The following ACCSL variants were observed in gnomAD, a reference collection of about 807,000 sequenced individuals.
ACCSL encodes the protein 1-aminocyclopropane-1-carboxylate synthase homolog (inactive) like.
ACCSL carries 55 observed loss-of-function variants against 61.7 expected under a neutral mutation model. The observed-to-expected ratio is 0.89, with a 90% CI of 0.72 to 1.12. The LOEUF is 1.12. Among genes scored for constraint, ACCSL ranks in the 50% most tolerant of loss-of-function variants. ACCSL has a pLI of 0.00. For synonymous variants in ACCSL, 258 were observed against 264.3 expected, an observed-to-expected ratio of 0.98 and a Z score of 0.23; for missense variants, 632 against 698.0, an observed-to-expected ratio of 0.91 and a Z score of 1.07.
the ACCSL span, among the ~76,000 whole-genome samples, chr11:44,004,551 A>G: frequency 6.6e-6 from 1 of 152,134 alleles, no homozygotes; most frequent in African/African-American, 2.4e-5. Context: ...GCATGTACCT[A>G]GCTGTTTTCT....
At chr11:44,035,005 T>C in the ACCSL span, among the ~76,000 whole-genome samples, 7 of 152,264 alleles carry the variant, frequency 4.6e-5, no homozygotes, top group South Asian at 8.3e-4. Flanking sequence ...CTACAGCAAA[T>C]ACACTCTCTT....
the ACCSL span, among the ~76,000 whole-genome samples, chr11:43,980,740 C>G: frequency 2.6e-5 from 4 of 152,186 alleles, no homozygotes. Flanking sequence ...GGCCATCTAT[C>G]TACTGAAAAG....
At chr11:44,005,275 A>T in the ACCSL span, among the ~76,000 whole-genome samples, 1 of 151,986 alleles carries the variant, frequency 6.6e-6, no homozygotes, top group Non-Finnish European at 1.5e-5. Context: ...GGATTGGCTG[A>T]TGGGCTTTCA....
At chr11:44,056,368 A>G in intron 11 of ACCSL, 42 bp downstream of exon 11, 1 of 1,589,720 alleles carries the variant, frequency 6.3e-7, no homozygotes, top group Non-Finnish European at 8.6e-7. Context: ...GCTGGACCTC[A>G]TGGCCATGGG....
chr11:43,941,041 T>G, the ACCSL span, among the ~76,000 whole-genome samples: 1 of 152,182 alleles, frequency 6.6e-6, no homozygotes, highest in Non-Finnish European at 1.5e-5. Flanking sequence ...TGGTATTTGT[T>G]ACCCAGGGTG....
At chr11:44,022,086 T>TCATA in the ACCSL span, among the ~76,000 whole-genome samples, 1 of 152,090 alleles carries the variant, frequency 6.6e-6, no homozygotes, top group East Asian at 1.9e-4. Flanking sequence ...TTAGTTTTGC[T>TCATA]GTAGCTATGA....
the ACCSL span, among the ~76,000 whole-genome samples, chr11:44,005,473 G>A: frequency 2.6e-5 from 4 of 152,094 alleles, no homozygotes; most frequent in Non-Finnish European, 4.4e-5. Flanking sequence ...TTTGCTCCTC[G>A]ACTCAGGGGC....
chr11:43,943,897 T>A, the ACCSL span: 1 of 1,209,250 alleles, frequency 8.3e-7, no homozygotes, highest in Non-Finnish European at 1.1e-6. The surrounding 1 kb of genome is among the most constrained non-coding windows in gnomAD (Gnocchi z 4.8). Context: ...TTCCAGGCTC[T>A]TGACTTTTTG....
the ACCSL span, among the ~76,000 whole-genome samples, chr11:44,005,065 TC>T: frequency 1.2e-5 from 1 of 85,760 alleles, no homozygotes; most frequent in Non-Finnish European, 2.3e-5. Context: ...CCACCCCTTC[TC>T]CCCCGTGCCA....
chr11:43,970,299 G>A, the ACCSL span, among the ~76,000 whole-genome samples: 1 of 152,046 alleles, frequency 6.6e-6, no homozygotes, highest in Non-Finnish European at 1.5e-5. Flanking sequence ...TCGACCTCCT[G>A]GGCTCACGTG....
the ACCSL span, among the ~76,000 whole-genome samples, chr11:44,016,991 G>T: frequency 1.3e-5 from 2 of 152,264 alleles, no homozygotes; most frequent in Admixed American, 6.5e-5. Flanking sequence ...CTGAAGATCT[G>T]CCAATGAGCA....
At chr11:43,945,120 G>T in the ACCSL span, 1 of 152,290 alleles carries the variant, frequency 6.6e-6, no homozygotes, top group Non-Finnish European at 1.5e-5. Flanking sequence ...CTATGGCCTT[G>T]GTGGCTGTAG....
At chr11:44,022,653 A>G in the ACCSL span, among the ~76,000 whole-genome samples, 1 of 151,900 alleles carries the variant, frequency 6.6e-6, no homozygotes, top group African/African-American at 2.4e-5. Context: ...TGATTTTTGG[A>G]TGTTAACACA....
At chr11:43,977,219 G>T in the ACCSL span, among the ~76,000 whole-genome samples, 3 of 152,184 alleles carry the variant, frequency 2.0e-5, no homozygotes, top group Non-Finnish European at 4.4e-5. Context: ...TCTCCACTAT[G>T]TCCTAATCCC....
chr11:43,986,165 T>C, the ACCSL span, among the ~76,000 whole-genome samples: 7 of 151,816 alleles, frequency 4.6e-5, no homozygotes, highest in African/African-American at 1.7e-4. Context: ...GCCCCATCAT[T>C]TCCACCACCT....
At chr11:43,961,216 T>C in the ACCSL span, among the ~76,000 whole-genome samples, 1 of 152,202 alleles carries the variant, frequency 6.6e-6, no homozygotes, top group Non-Finnish European at 1.5e-5. Flanking sequence ...TTGAGATTAT[T>C]CTTTGTGACT....
At chr11:43,933,852 T>A in the ACCSL span, among the ~76,000 whole-genome samples, 346 of 152,234 alleles carry the variant, frequency 2.3e-3, no homozygotes, top group African/African-American at 8.2e-3. Context: ...TCCCTGGGAC[T>A]CATCCTGGGA....
the ACCSL span, among the ~76,000 whole-genome samples, chr11:44,010,484 A>T: frequency 6.6e-6 from 1 of 152,226 alleles, no homozygotes. Context: ...CAGGTTTTTC[A>T]GAGGGGACTT....
At chr11:44,002,776 T>C in the ACCSL span, among the ~76,000 whole-genome samples, 1 of 152,172 alleles carries the variant, frequency 6.6e-6, no homozygotes, top group African/African-American at 2.4e-5. Flanking sequence ...ATGGGGATAG[T>C]TACCCTAGCT....
Sources: gnomAD v4.1 joint callset for allele counts (sites outside exome capture counted in the v4.1 genomes callset) on GRCh38, gnomAD v4.1.1 for gene constraint, Gnocchi (gnomAD v3.1) non-coding constraint, MANE v1.5 for transcripts, NCBI Gene and HGNC (gene_info 2026-07-23, HGNC 2026-07-21) for gene names.